The following PRKG1 variants were observed in gnomAD, a reference collection of about 807,000 sequenced individuals.
PRKG1 encodes cGMP-dependent protein kinase 1.
A neutral mutation model predicts 88.1 loss-of-function variants in PRKG1; 35 were observed. That is an observed-to-expected ratio of 0.40 (90% confidence interval 0.30 to 0.53). The LOEUF (loss-of-function observed/expected upper bound fraction) is 0.53. Among genes scored for constraint, PRKG1 ranks in the 20% least tolerant of loss-of-function variants. The pLI is 0.59. For synonymous variants in PRKG1, 303 were observed against 292.5 expected, an observed-to-expected ratio of 1.04 and a Z score of -0.37; for missense variants, 540 against 839.8, an observed-to-expected ratio of 0.64 and a Z score of 4.41.
At chr10:52,215,411 A>G (rs1170884694) in intron 9 of PRKG1, among the ~76,000 whole-genome samples, 1 of 150,254 alleles carries the variant, frequency 6.7e-6, no homozygotes, top group Non-Finnish European at 1.5e-5. Flanking sequence ...AAAAAAAAAA[A>G]GTATATTTTG....
chr10:51,107,810 CAAAAAAAA>C (rs150587434), intron 1 of PRKG1, among the ~76,000 whole-genome samples: 2 of 63,290 alleles, frequency 3.2e-5, no homozygotes, highest in Admixed American at 2.0e-4. Flanking sequence ...AACCCTGTCT[CAAAAAAAA>C]AAAAAAAAAA....
Position 51,889,884 on chromosome 10 carries a change from G to C in PRKG1, c.699-17623G>C, listed in dbSNP as rs373243367. On this transcript the variant is annotated intron_variant, in intron 4 of 17. Transcript: ENST00000373980. ...TTCAGAAGTGTCTGTTCATATTCTT[G>C]GCCCACTTTTTGATGGGGTTATTTG... Among the ~76,000 whole-genome samples, 7 of 151,988 alleles carry C rather than the reference G, an allele frequency of 4.6e-5. No homozygotes were observed. In the East Asian group the frequency reaches 1.2e-3, roughly 25 times the overall value.
intron 2 of PRKG1, among the ~76,000 whole-genome samples, chr10:51,365,795 TC>T (rs540513351): frequency 8.5e-4 from 129 of 152,026 alleles, no homozygotes; most frequent in African/African-American, 2.9e-3. Flanking sequence ...CCTAGTCTCA[TC>T]CACTATATGC....
chr10:52,218,210 CAAA>C (rs35778588), intron 9 of PRKG1, among the ~76,000 whole-genome samples: 1 of 95,252 alleles, frequency 1.0e-5, no homozygotes, highest in Middle Eastern at 5.7e-3. Context: ...GACTCCATCT[CAAA>C]AAAAAAAAAA....
At chr10:51,855,922 G>T (rs1359372636) in intron 4 of PRKG1, among the ~76,000 whole-genome samples, 4 of 152,210 alleles carry the variant, frequency 2.6e-5, no homozygotes, top group Admixed American at 2.6e-4. Flanking sequence ...CTGGAGGGAA[G>T]AAATCCAAAG....
intron 2 of PRKG1, among the ~76,000 whole-genome samples, chr10:51,385,964 C>T (rs1454695342): frequency 6.6e-6 from 1 of 152,072 alleles, no homozygotes; most frequent in Non-Finnish European, 1.5e-5. Context: ...AAATCTTCAC[C>T]TTCAAGAGTA....
intron 2 of PRKG1, among the ~76,000 whole-genome samples, chr10:51,344,440 A>G (rs1842068839): frequency 6.6e-6 from 1 of 152,232 alleles, no homozygotes; most frequent in Non-Finnish European, 1.5e-5. Flanking sequence ...AGATTTGAGT[A>G]GAGCAAATAG....
At chr10:51,451,979 T>A (rs1246385041) in intron 2 of PRKG1, among the ~76,000 whole-genome samples, 1 of 151,978 alleles carries the variant, frequency 6.6e-6, no homozygotes, top group African/African-American at 2.4e-5. Context: ...ATTATATTAA[T>A]GGAATTAGTG....
chr10:52,266,632 G>A (rs1026025139), intron 10 of PRKG1, among the ~76,000 whole-genome samples: 5 of 151,954 alleles, frequency 3.3e-5, no homozygotes, highest in African/African-American at 1.2e-4. Context: ...ACTGAGGTGG[G>A]TTGCAGTCGG....
At chr10:51,928,818 A>G (rs1842630042) in intron 5 of PRKG1, among the ~76,000 whole-genome samples, 1 of 152,192 alleles carries the variant, frequency 6.6e-6, no homozygotes, top group Non-Finnish European at 1.5e-5. Flanking sequence ...TATATAAAAA[A>G]TAGTACATCT....
At chr10:51,804,017 T>G (rs912522609) in intron 3 of PRKG1, among the ~76,000 whole-genome samples, 1 of 152,118 alleles carries the variant, frequency 6.6e-6, no homozygotes, top group African/African-American at 2.4e-5. Flanking sequence ...TCAACAAACA[T>G]GTCTACTGAA....
intron 3 of PRKG1, among the ~76,000 whole-genome samples, chr10:51,667,524 G>GA: frequency 6.6e-6 from 1 of 152,152 alleles, no homozygotes; most frequent in South Asian, 2.1e-4. Flanking sequence ...TCTTACTGAG[G>GA]AAAAAATAAG....
chr10:51,435,537 T>C (rs1838902330), intron 2 of PRKG1, among the ~76,000 whole-genome samples: 1 of 151,976 alleles, frequency 6.6e-6, no homozygotes, highest in Non-Finnish European at 1.5e-5. Flanking sequence ...CCATGGACTT[T>C]ATGTGCAATT....
At chr10:51,983,732 C>G (rs961678223) in intron 5 of PRKG1, among the ~76,000 whole-genome samples, 6 of 152,204 alleles carry the variant, frequency 3.9e-5, no homozygotes, top group African/African-American at 1.4e-4. Flanking sequence ...AGCAGCTCTC[C>G]CTGCCAGCTG....
intron 1 of PRKG1, among the ~76,000 whole-genome samples, chr10:51,068,815 A>G (rs1843785759): frequency 6.6e-6 from 1 of 152,024 alleles, no homozygotes; most frequent in Non-Finnish European, 1.5e-5. Context: ...CTTATTTATC[A>G]TACAGGTATG....
chr10:51,670,057 T>C (rs1840519485), intron 3 of PRKG1, among the ~76,000 whole-genome samples: 3 of 152,342 alleles, frequency 2.0e-5, no homozygotes, highest in African/African-American at 7.2e-5. Context: ...TATTAGTTGA[T>C]GTGAATGAGT....
chr10:51,988,440 A>G (rs1844219475), intron 5 of PRKG1, among the ~76,000 whole-genome samples: 1 of 152,042 alleles, frequency 6.6e-6, no homozygotes, highest in Non-Finnish European at 1.5e-5. Context: ...AGATTTCCAA[A>G]TCTCCAATAT....
chr10:51,532,030 A>G (rs972736189), intron 3 of PRKG1, among the ~76,000 whole-genome samples: 1 of 152,166 alleles, frequency 6.6e-6, no homozygotes, highest in African/African-American at 2.4e-5. Flanking sequence ...TACAAAAACC[A>G]GTTCATCTCA....
chr10:52,251,872 A>C, intron 10 of PRKG1: 1 of 469,398 alleles, frequency 2.1e-6, no homozygotes, highest in South Asian at 3.4e-5. Context: ...CTAAAAATAA[A>C]ATAACACCTT....
Sources: allele counts gnomAD v4.1 joint callset (sites outside exome capture counted in the v4.1 genomes callset), GRCh38; gene constraint gnomAD v4.1.1; transcripts MANE v1.5; gene names NCBI Gene and HGNC (gene_info 2026-07-23, HGNC 2026-07-21).